The following DDHD1 variants were observed in gnomAD, a reference collection of about 807,000 sequenced individuals.
The protein encoded by DDHD1 is phospholipase DDHD1.
In DDHD1, 49 loss-of-function variants were observed where a neutral mutation model predicts 96.4. The observed-to-expected ratio is 0.51, with a 90% confidence interval of 0.40 to 0.64. DDHD1 has a LOEUF of 0.64. Ranked by LOEUF, DDHD1 falls within the 30% of genes least tolerant of loss-of-function variation. The pLI is 0.00. For synonymous variants in DDHD1, 442 were observed against 446.5 expected (o/e 0.99, Z 0.13); for missense variants, 1,106 against 1,161.2 (o/e 0.95, Z 0.69).
chr14:53,068,666 C>CA (rs1165679289), intron 6 of DDHD1, among the ~76,000 whole-genome samples: 1 of 152,146 alleles, frequency 6.6e-6, no homozygotes, highest in African/African-American at 2.4e-5. Context: ...GATGTGTTCT[C>CA]CTGTGTGTGT....
At chr14:53,128,408 G>C (rs1889616174) in intron 1 of DDHD1, among the ~76,000 whole-genome samples, 1 of 152,176 alleles carries the variant, frequency 6.6e-6, no homozygotes. Context: ...TGTCTGGTGA[G>C]GGTCCACTTT....
rs576894025 is a variant in DDHD1 at position 53,103,806 on chromosome 14, A to G, written c.889T>C (p.Trp297Arg). Residue 297 changes from tryptophan (W) to arginine (R), a missense_variant, in exon 2 of 13, where the codon TGG becomes CGG. By Grantham distance (101) the Trp-to-Arg change is moderately radical. Coordinates refer to ENST00000673822, the MANE Select transcript of DDHD1 (RefSeq NM_001160148.2). ...CTTTCTTCCTCTTCTAGAGGCTGCC[A>G]AGTGCCGTCAATAAACCACTGTCCA... ...MRGQWFIDGTWQPLEEEESNL... is the reference protein window; with the variant it reads ...MRGQWFIDGTRQPLEEEESNL... The G allele has an allele frequency of 1.2e-6, 2 of 1,612,760 alleles. No individual in the cohort carries two copies. Among genetic ancestry groups the G allele is most frequent in the East Asian group, 4.5e-5 (2 of 44,776 alleles).
At chr14:53,073,959 C>G in intron 4 of DDHD1, 112 bp from the exon 5 acceptor site, 1 of 925,622 alleles carries the variant, frequency 1.1e-6, no homozygotes, top group Admixed American at 2.7e-5. Context: ...TTGCTTATAG[C>G]TTTGTCCAGT....
At chr14:53,083,321 T>G (rs1241937709) in intron 4 of DDHD1, among the ~76,000 whole-genome samples, 1 of 152,230 alleles carries the variant, frequency 6.6e-6, no homozygotes, top group Non-Finnish European at 1.5e-5. Context: ...AGCTTTAAAA[T>G]GACTAATTTA....
chr14:53,083,157 A>T (rs895131906), intron 4 of DDHD1, among the ~76,000 whole-genome samples: 8 of 151,808 alleles, frequency 5.3e-5, no homozygotes, highest in Non-Finnish European at 5.9e-5. Flanking sequence ...TTATTCTCCC[A>T]TTTTTTTTCT....
intron 6 of DDHD1, among the ~76,000 whole-genome samples, chr14:53,065,127 A>G (rs770700839): frequency 1.4e-4 from 21 of 152,184 alleles, no homozygotes; most frequent in Non-Finnish European, 1.8e-4. Flanking sequence ...ATAGCTTTTC[A>G]AAAGTTTAAA....
chr14:53,048,343 T>G (rs1882214341), intron 12 of DDHD1, among the ~76,000 whole-genome samples: 1 of 150,760 alleles, frequency 6.6e-6, no homozygotes, highest in South Asian at 2.1e-4. Flanking sequence ...GGGCTGTTTT[T>G]TTTTTTTTTT....
intron 6 of DDHD1, among the ~76,000 whole-genome samples, chr14:53,067,156 CTTT>C (rs749028980): frequency 5.1e-5 from 7 of 137,826 alleles, no homozygotes; most frequent in Non-Finnish European, 8.0e-5. Flanking sequence ...TATTCCTTTT[CTTT>C]TTTTTTTTTT....
chr14:53,100,168 A>G (rs779956489), intron 2 of DDHD1, among the ~76,000 whole-genome samples: 2 of 152,298 alleles, frequency 1.3e-5, no homozygotes, highest in African/African-American at 2.4e-5. Flanking sequence ...AATAATCTAG[A>G]TATTATTTGA....
At chr14:53,062,757 C>T (rs1883696653) in intron 7 of DDHD1, among the ~76,000 whole-genome samples, 186 bp downstream of exon 7, 1 of 152,072 alleles carries the variant, frequency 6.6e-6, no homozygotes, top group Non-Finnish European at 1.5e-5. Context: ...TTTTATGCTA[C>T]AGGAAAATGC....
At chr14:53,114,863 A>G (rs995694633) in intron 1 of DDHD1, among the ~76,000 whole-genome samples, 1 of 152,210 alleles carries the variant, frequency 6.6e-6, no homozygotes, top group African/African-American at 2.4e-5. Context: ...ACAAAACTGG[A>G]TGGAGAATGA....
chr14:53,149,618 T>C (rs1487833220), intron 1 of DDHD1, among the ~76,000 whole-genome samples: 1 of 152,242 alleles, frequency 6.6e-6, no homozygotes, highest in Non-Finnish European at 1.5e-5. Flanking sequence ...TTATAGCTTA[T>C]ACAAGGGCTT....
At position 53,054,536 on chromosome 14, in the gene DDHD1, G is replaced by T; in HGVS notation, c.2339C>A (p.Ser780Ter). The change falls in exon 11 of 13, where the codon TCA (serine) becomes TAA (stop). Residue 780 changes from serine (S) to a stop codon, truncating the protein, a stop_gained. Transcript: ENST00000673822. LOFTEE classifies it high-confidence loss of function. ...AACTGGCTTCTTCTCATCTTCCATTGAGTCTTTTGATGTTTCAGATGACTG... is the reference window on the plus strand; with the variant it reads ...AACTGGCTTCTTCTCATCTTCCATTTAGTCTTTTGATGTTTCAGATGACTG... ...TTQSSETSKD[S>*]MEDEKKPVAS... 1 of 1,614,094 alleles carries T rather than the reference G, an allele frequency of 6.2e-7. No homozygotes were observed.
Position 53,042,697 on chromosome 14 carries a change from C to T in DDHD1, c.*4071G>A, listed in dbSNP as rs1410091555. 2.6e-5 allele frequency: 4 copies of T among 152,184 alleles called. No homozygotes were observed. The highest frequency in any genetic ancestry group is 4.4e-5 in the Non-Finnish European group (3 of 68,028). The allele number at this position is 152,184 out of a possible 1,614,324, so 9.4% of individuals were successfully genotyped here. ...GTTCAGCCAGAGTACCATCAGATTCCTGGCAGAGGCTTGAGGCACAGGAAT... is the reference window on the plus strand; with the variant it reads ...GTTCAGCCAGAGTACCATCAGATTCTTGGCAGAGGCTTGAGGCACAGGAAT... On this transcript the variant is annotated 3_prime_UTR_variant, in exon 13 of 13. Coordinates refer to ENST00000673822, the MANE Select transcript of DDHD1 (RefSeq NM_001160148.2).
At chr14:53,132,891 T>C (rs1388739020) in intron 1 of DDHD1, among the ~76,000 whole-genome samples, 1 of 152,144 alleles carries the variant, frequency 6.6e-6, no homozygotes, top group African/African-American at 2.4e-5. Flanking sequence ...TCATGGCCAG[T>C]TTTTCTCCTT....
intron 1 of DDHD1, among the ~76,000 whole-genome samples, chr14:53,141,307 C>G (rs2139883107): frequency 6.6e-6 from 1 of 152,338 alleles, no homozygotes; most frequent in East Asian, 1.9e-4. Flanking sequence ...ATTGACTGAA[C>G]TGGTAATTCT....
chr14:53,112,275 G>A (rs1888164034), intron 1 of DDHD1, among the ~76,000 whole-genome samples: 1 of 152,048 alleles, frequency 6.6e-6, no homozygotes, highest in African/African-American at 2.4e-5. Flanking sequence ...AAATTAGCTG[G>A]GCATGGTGGC....
Position 53,072,607 on chromosome 14 carries a change from T to C in DDHD1, c.1493A>G (p.Tyr498Cys). 1 of 1,569,966 alleles carries C rather than the reference T, an allele frequency of 6.4e-7. No individual in the cohort carries two copies. Among genetic ancestry groups the C allele is most frequent in the Non-Finnish European group, 8.7e-7 (1 of 1,152,680 alleles). Residue 498 changes from tyrosine (Y) to cysteine (C), a missense_variant, in exon 6 of 13, where the codon TAT (tyrosine) becomes TGT (cysteine). Tyr to Cys is a radical substitution (Grantham distance 194). This residue lies in a region of DDHD1 where 650 missense variants were observed against 758.8 expected (regional missense o/e 0.86). Coordinates refer to ENST00000673822, the MANE Select transcript of DDHD1 (RefSeq NM_001160148.2). ...AATCATGACACTTACTTCATCTCTATAAAGTGGACTAGTATAATACATTAT... is the reference window on the plus strand; with the variant it reads ...AATCATGACACTTACTTCATCTCTACAAAGTGGACTAGTATAATACATTAT... ...MDIMYYTSPL[Y>C]RDELVKGLQQ...
At chr14:53,089,126 T>G in intron 4 of DDHD1, among the ~76,000 whole-genome samples, 1 of 152,158 alleles carries the variant, frequency 6.6e-6, no homozygotes, top group East Asian at 1.9e-4. Context: ...AAGGACCTCT[T>G]CAAGGAGAAC....
Sources: gnomAD v4.1 joint callset for allele counts (sites outside exome capture counted in the v4.1 genomes callset) on GRCh38, gnomAD v4.1.1 for gene constraint, gnomAD v4.1.1 regional missense constraint, MANE v1.5 for transcripts, NCBI Gene and HGNC (gene_info 2026-07-23, HGNC 2026-07-21) for gene names.